ST18: variants seen among roughly 807,000 people sequenced by gnomAD.
The protein encoded by ST18 is ST18 C2H2C-type zinc finger transcription factor.
A neutral mutation model predicts 110.0 loss-of-function variants in ST18; 50 were observed. That is an observed-to-expected ratio of 0.45 (90% CI 0.36 to 0.58). The LOEUF (loss-of-function observed/expected upper bound fraction) is 0.58. Ranked by LOEUF, ST18 falls within the 20% of genes least tolerant of loss-of-function variation. The pLI is 0.00. For missense variants in ST18, 1,306 were observed against 1,280.1 expected, an observed-to-expected ratio of 1.02 and a Z score of -0.31; for synonymous variants, 461 against 452.4, an observed-to-expected ratio of 1.02 and a Z score of -0.24.
At chr8:52,263,083 C>G (rs534521873) in intron 2 of ST18, among the ~76,000 whole-genome samples, 37 of 152,300 alleles carry the variant, frequency 2.4e-4, no homozygotes, top group Admixed American at 2.0e-3. Flanking sequence ...TTTTAGTTGT[C>G]CCACTTTGAA....
chr8:52,139,033 G>C (rs975169914), intron 17 of ST18, among the ~76,000 whole-genome samples: 5 of 152,076 alleles, frequency 3.3e-5, no homozygotes, highest in African/African-American at 1.2e-4. Context: ...TTGATTTTCA[G>C]GGTCTGATCC....
intron 2 of ST18, among the ~76,000 whole-genome samples, chr8:52,390,551 G>A (rs929175874): frequency 1.3e-5 from 2 of 152,186 alleles, no homozygotes; most frequent in Admixed American, 6.5e-5. Context: ...GTCCGATTCC[G>A]ACATTTGAGG....
chr8:52,217,109 T>C (rs12155844), intron 6 of ST18, among the ~76,000 whole-genome samples: 39,223 of 152,078 alleles, frequency 0.26, 6,150 homozygotes, highest in African/African-American at 0.44. Context: ...ATACTATTGA[T>C]AAGCTTGCAA....
At chr8:52,202,026 T>C (rs2078149888) in intron 8 of ST18, among the ~76,000 whole-genome samples, 1 of 152,158 alleles carries the variant, frequency 6.6e-6, no homozygotes, top group African/African-American at 2.4e-5. Flanking sequence ...GAGGGGCCAA[T>C]GGAAACTGCT....
intron 2 of ST18, among the ~76,000 whole-genome samples, chr8:52,312,571 A>C (rs1164585612): frequency 6.6e-6 from 1 of 152,248 alleles, no homozygotes; most frequent in Non-Finnish European, 1.5e-5. Context: ...TCCTAGAAGA[A>C]TGGTCAGATA....
At chr8:52,170,284 C>T (rs1268824667) in intron 10 of ST18, among the ~76,000 whole-genome samples, 4 of 152,046 alleles carry the variant, frequency 2.6e-5, no homozygotes, top group African/African-American at 7.2e-5. Context: ...GGGGAAACCC[C>T]GTCTCTACTG....
chr8:52,403,784 T>C (rs1843568239), intron 2 of ST18: 1 of 152,216 alleles, frequency 6.6e-6, no homozygotes, highest in Non-Finnish European at 1.5e-5. Context: ...GCCATCTTGC[T>C]GATATCACTC....
At chr8:52,163,314 C>T (rs923521631) in intron 13 of ST18, among the ~76,000 whole-genome samples, 1 of 152,166 alleles carries the variant, frequency 6.6e-6, no homozygotes, top group Admixed American at 6.5e-5. Flanking sequence ...GACTCAGTAA[C>T]AATAGTTATC....
At chr8:52,186,595 A>G (rs2072339501) in intron 8 of ST18, among the ~76,000 whole-genome samples, 1 of 152,338 alleles carries the variant, frequency 6.6e-6, no homozygotes, top group African/African-American at 2.4e-5. Flanking sequence ...CCATATATGC[A>G]CAAAAGGTAT....
chr8:52,343,345 C>T (rs556192662), intron 2 of ST18, among the ~76,000 whole-genome samples: 19 of 152,156 alleles, frequency 1.2e-4, no homozygotes, highest in Non-Finnish European at 1.8e-4. Context: ...TTCAAGTTCA[C>T]GCTCCTCATC....
At chr8:52,214,003 G>T (rs190506733) in intron 7 of ST18, among the ~76,000 whole-genome samples, 200 bp downstream of exon 7, 65 of 152,220 alleles carry the variant, frequency 4.3e-4, no homozygotes, top group Middle Eastern at 3.4e-3. Context: ...TAGATCATTT[G>T]GACTTTTCTG....
At chr8:52,365,503 TA>T (rs1031246312) in intron 2 of ST18, among the ~76,000 whole-genome samples, 9 of 152,170 alleles carry the variant, frequency 5.9e-5, no homozygotes, top group African/African-American at 1.2e-4. Context: ...AAAAAGACTT[TA>T]AAAAAATTTA....
intron 18 of ST18, 69 bp downstream of exon 18, chr8:52,137,352 G>C: frequency 6.6e-7 from 1 of 1,521,248 alleles, no homozygotes; most frequent in African/African-American, 1.4e-5. Flanking sequence ...TGGATAGAAA[G>C]GGTGAGAATA....
At chr8:52,178,246 C>T (rs2067690097) in intron 9 of ST18, among the ~76,000 whole-genome samples, 1 of 152,134 alleles carries the variant, frequency 6.6e-6, no homozygotes, top group African/African-American at 2.4e-5. Context: ...TTAATGTTAG[C>T]TAGATGGATT....
In ST18 at chr8:52,158,963, G is replaced by C; in HGVS notation, c.1741C>G (p.Leu581Val). 6.2e-7 allele frequency: 1 copy of C among 1,614,066 alleles called. No homozygotes were observed. The highest frequency in any genetic ancestry group is 8.5e-7 in the Non-Finnish European group (1 of 1,179,928). The change falls in exon 15 of 26, where the codon CTT (leucine) becomes GTT (valine). Residue 581 changes from leucine (L) to valine (V), a missense_variant. Transcript: ENST00000689386. ...GTGGCTTCCCTGCAGCGGGTGGAAAGGTTCAGGATGGCAGCAGCTGCTGCT... is the reference window on the plus strand; with the variant it reads ...GTGGCTTCCCTGCAGCGGGTGGAAACGTTCAGGATGGCAGCAGCTGCTGCT... ...HIAAAAAILN[L>V]STRCREATDI... is the part of the protein sequence containing the mutation.
At chr8:52,287,041 A>C (rs2095482258) in intron 2 of ST18, among the ~76,000 whole-genome samples, 2 of 152,230 alleles carry the variant, frequency 1.3e-5, no homozygotes, top group Non-Finnish European at 2.9e-5. Context: ...AACAGGTTAC[A>C]GATTTTTTAT....
chr8:52,290,638 C>A (rs1175033964), intron 2 of ST18, among the ~76,000 whole-genome samples: 1 of 152,064 alleles, frequency 6.6e-6, no homozygotes, highest in Non-Finnish European at 1.5e-5. Context: ...TCTCTAGGAC[C>A]AAGCATGAGG....
At chr8:52,190,066 A>T (rs1351372971) in intron 8 of ST18, among the ~76,000 whole-genome samples, 2 of 152,142 alleles carry the variant, frequency 1.3e-5, no homozygotes, top group Admixed American at 1.3e-4. Context: ...CCAAAATTTG[A>T]ATTTTGGGGG....
At chr8:52,179,768 T>C (rs1325307739) in intron 9 of ST18, among the ~76,000 whole-genome samples, 1 of 152,172 alleles carries the variant, frequency 6.6e-6, no homozygotes, top group African/African-American at 2.4e-5. Flanking sequence ...AATATGCCCT[T>C]GAATTTAAAG....
Sources: gnomAD v4.1 joint callset for allele counts (sites outside exome capture counted in the v4.1 genomes callset) on GRCh38, gnomAD v4.1.1 for gene constraint, MANE v1.5 for transcripts, NCBI Gene and HGNC (gene_info 2026-07-23, HGNC 2026-07-21) for gene names.